ARHGAP32: variants seen among roughly 807,000 people sequenced by gnomAD.
ARHGAP32 encodes Rho GTPase activating protein 32.
A neutral mutation model predicts 186.5 loss-of-function variants in ARHGAP32; 51 were observed. That is an observed-to-expected ratio of 0.27 (90% confidence interval 0.22 to 0.35). The LOEUF (loss-of-function observed/expected upper bound fraction) is 0.35, where lower values mean the gene tolerates loss of function less well. Ranked by LOEUF, ARHGAP32 falls within the 10% of genes least tolerant of loss-of-function variation. The probability of loss-of-function intolerance (pLI) is 1.00; values close to 1 mark genes in which losing one functional copy is unlikely to be tolerated. For missense variants in ARHGAP32, 2,186 were observed against 2,623.5 expected (o/e 0.83, Z 3.64); for synonymous variants, 950 against 964.3 (o/e 0.99, Z 0.27).
intron 1 of ARHGAP32, among the ~76,000 whole-genome samples, chr11:129,254,942 G>A (rs1450746466): frequency 1.3e-5 from 2 of 152,094 alleles, no homozygotes; most frequent in African/African-American, 4.8e-5. Flanking sequence ...TAGAAGTCTA[G>A]CTAGGTTCTC....
At chr11:129,261,978 C>A (rs1945326383) in intron 1 of ARHGAP32, among the ~76,000 whole-genome samples, 1 of 152,156 alleles carries the variant, frequency 6.6e-6, no homozygotes, top group African/African-American at 2.4e-5. Flanking sequence ...ATTACCATAA[C>A]ACCAAATGAC....
At chr11:129,076,927 T>C (rs1941059548) in intron 6 of ARHGAP32, among the ~76,000 whole-genome samples, 1 of 152,168 alleles carries the variant, frequency 6.6e-6, no homozygotes, top group South Asian at 2.1e-4. Flanking sequence ...GCTGAAAAAC[T>C]GTGAGTGCCC....
At chr11:128,975,193 T>C (rs1182723761) in intron 20 of ARHGAP32, among the ~76,000 whole-genome samples, 191 bp from the exon 21 acceptor site, 1 of 152,174 alleles carries the variant, frequency 6.6e-6, no homozygotes, top group Non-Finnish European at 1.5e-5. Context: ...CAAAACCAAA[T>C]GCTAAATAGC....
At chr11:129,027,217 G>A (rs1938896789) in intron 11 of ARHGAP32, among the ~76,000 whole-genome samples, 1 of 151,892 alleles carries the variant, frequency 6.6e-6, no homozygotes, top group African/African-American at 2.4e-5. Context: ...CACTTACACA[G>A]CTACCATACT....
chr11:129,020,045 C>T (rs1329224568), intron 11 of ARHGAP32, among the ~76,000 whole-genome samples: 1 of 151,858 alleles, frequency 6.6e-6, no homozygotes, highest in Non-Finnish European at 1.5e-5. Context: ...AATGAAAATA[C>T]CTGAGAAATC....
chr11:129,023,344 G>C (rs1193780489), intron 11 of ARHGAP32, among the ~76,000 whole-genome samples: 4 of 152,188 alleles, frequency 2.6e-5, no homozygotes, highest in Non-Finnish European at 2.9e-5. Flanking sequence ...GAAAAGGCCA[G>C]AAAGGTTACT....
intron 10 of ARHGAP32, among the ~76,000 whole-genome samples, chr11:129,060,808 T>TA (rs1565402066): frequency 9.1e-4 from 59 of 64,700 alleles, no homozygotes; most frequent in African/African-American, 2.0e-3. Flanking sequence ...CACTTATTGA[T>TA]TAAAAAAAAA....
intron 1 of ARHGAP32, among the ~76,000 whole-genome samples, chr11:129,252,653 G>A (rs995266936): frequency 4.6e-5 from 7 of 152,174 alleles, no homozygotes; most frequent in East Asian, 1.9e-4. Context: ...ATTTTGCTAC[G>A]TGAATTTGCA....
At chr11:129,279,577 C>T (rs2135741998), upstream of ARHGAP32, among the ~76,000 whole-genome samples, 1 of 146,518 alleles carries the variant, frequency 6.8e-6, no homozygotes, top group South Asian at 2.1e-4. Flanking sequence ...GCCCAGCCTC[C>T]GCCTCCTCCG....
intron 1 of ARHGAP32, among the ~76,000 whole-genome samples, chr11:129,191,792 T>C (rs956728406): frequency 2.0e-5 from 3 of 151,958 alleles, no homozygotes; most frequent in Non-Finnish European, 2.9e-5. Context: ...GGGGTAGTAG[T>C]TCATTATGAG....
chr11:129,038,707 C>T (rs1360973775), intron 11 of ARHGAP32, among the ~76,000 whole-genome samples: 1 of 151,380 alleles, frequency 6.6e-6, no homozygotes, highest in Non-Finnish European at 1.5e-5. Flanking sequence ...GGCAACAAAG[C>T]AAGACCTCAT....
At chr11:129,157,196 C>A (rs1943428267) in intron 2 of ARHGAP32, among the ~76,000 whole-genome samples, 1 of 151,996 alleles carries the variant, frequency 6.6e-6, no homozygotes, top group African/African-American at 2.4e-5. Context: ...AACTCCTTGC[C>A]AGCAAGGGAA....
At position 129,066,867 on chromosome 11, in the gene ARHGAP32, C is replaced by T. The variant is rs759202835; in HGVS notation, c.533G>A (p.Gly178Glu). 3.9e-5 allele frequency: 62 copies of T among 1,598,986 alleles called. No homozygotes were observed. The highest frequency in any genetic ancestry group is 5.0e-5 in the Non-Finnish European group (59 of 1,171,612). Residue 178 changes from glycine (G) to glutamate (E), a missense_variant and splice_region_variant, in exon 7 of 23, where the codon GGA (glycine) becomes GAA (glutamate). Physicochemically the swap from Gly to Glu is moderately conservative, Grantham distance 98 (BLOSUM62 -2). Around this residue, in one of 5 missense-constraint regions of ARHGAP32, gnomAD observed 308 missense variants for 596.5 expected, o/e 0.52. Coordinates refer to ENST00000682385, the MANE Select transcript of ARHGAP32 (RefSeq NM_001378024.1). Reference sequence around the variant, plus strand: ...ACTTCTTTTAACAATCCAACTTTTTCCCTATTGGTAGAAAAAAGAAACTCA... The same window carrying T: ...ACTTCTTTTAACAATCCAACTTTTTTCCTATTGGTAGAAAAAAGAAACTCA... ...LVYLVQIACQGKSWIVKRSYE... is the reference protein window; with the variant it reads ...LVYLVQIACQEKSWIVKRSYE...
intron 6 of ARHGAP32, among the ~76,000 whole-genome samples, chr11:129,078,717 T>C (rs894443876): frequency 9.9e-5 from 15 of 152,034 alleles, no homozygotes; most frequent in Admixed American, 2.0e-4. Flanking sequence ...GGTCTCAAAC[T>C]CCTAACCTCA....
At chr11:129,145,476 G>A (rs375916912) in intron 2 of ARHGAP32, among the ~76,000 whole-genome samples, 21 of 144,178 alleles carry the variant, frequency 1.5e-4, no homozygotes, top group Non-Finnish European at 2.3e-4. Flanking sequence ...CTCCAAGTAA[G>A]ACCTAGAAGA....
chr11:129,093,633 C>A lies in ARHGAP32; in HGVS notation c.519G>T (p.Gln173His). The change falls in exon 6 of 23, where the codon CAG (glutamine) becomes CAT (histidine). Residue 173 changes from glutamine to histidine, a missense_variant. By Grantham distance (24) the Gln-to-His change is conservative. This residue lies in a region of ARHGAP32 where 308 missense variants were observed against 596.5 expected (regional missense o/e 0.52). Coordinates refer to ENST00000682385, the MANE Select transcript of ARHGAP32 (RefSeq NM_001378024.1). ...TTCACAAAATCACCTGACAAGCAAT[C>A]TGCACGAGGTAGACCAGCTCTTTAG... ...CESKELVYLV[Q>H]IACQGKSWIV... 1.2e-6 allele frequency: 2 copies of A among 1,604,256 alleles called. No individual in the cohort carries two copies. Among genetic ancestry groups the A allele is most frequent in the Admixed American group, 1.7e-5 (1 of 58,872 alleles).
intron 10 of ARHGAP32, among the ~76,000 whole-genome samples, chr11:129,052,085 T>C (rs1940074745): frequency 1.3e-5 from 2 of 152,144 alleles, no homozygotes; most frequent in Non-Finnish European, 2.9e-5. Context: ...TTATCTATTT[T>C]AATTTTTGTA....
intron 11 of ARHGAP32, among the ~76,000 whole-genome samples, chr11:129,034,351 C>T (rs1591550640): frequency 6.6e-6 from 1 of 152,246 alleles, no homozygotes; most frequent in East Asian, 1.9e-4. Flanking sequence ...ATACTTCTGT[C>T]AAAATTTTTT....
rs560847682 is a variant in ARHGAP32, at chr11:128,998,534, A to G, written c.1046-66T>C. On this transcript the variant is annotated intron_variant, in intron 11 of 22. Transcript: ENST00000682385. ...AGGTTACATTTTACTTAGCATAAAAACAAACATATCTCAAGAGGCTGACAG... is the reference window on the plus strand; with the variant it reads ...AGGTTACATTTTACTTAGCATAAAAGCAAACATATCTCAAGAGGCTGACAG... 4,860 of 1,278,760 alleles carry G rather than the reference A, an allele frequency of 3.8e-3. 13 individuals carry two copies. Among genetic ancestry groups the G allele is most frequent in the Non-Finnish European group, 4.3e-3 (4,136 of 956,014 alleles). 79.2% of individuals were successfully genotyped at this position (1,278,760 alleles called of 1,614,324 possible).
Sources: gnomAD v4.1 joint callset for allele counts (sites outside exome capture counted in the v4.1 genomes callset) on GRCh38, gnomAD v4.1.1 for gene constraint, gnomAD v4.1.1 regional missense constraint, MANE v1.5 for transcripts, NCBI Gene and HGNC (gene_info 2026-07-23, HGNC 2026-07-21) for gene names.